FER: variants seen among roughly 807,000 people sequenced by gnomAD.
FER encodes tyrosine-protein kinase Fer.
Under a neutral mutation model 111.0 loss-of-function variants are expected in FER, and 63 were observed. The ratio of observed to expected loss-of-function variants is 0.57; its 90% CI spans 0.46 to 0.70. The LOEUF is 0.70. FER is among the 30% of genes least tolerant of loss of function. The pLI is 0.00. For missense variants in FER, 914 were observed against 954.0 expected, an observed-to-expected ratio of 0.96 and a Z score of 0.55; for synonymous variants, 327 against 313.9, an observed-to-expected ratio of 1.04 and a Z score of -0.44.
rs1213740519 is a variant in FER at position 108,779,389 on chromosome 5, A to G, written c.-60+11151A>G. 5.3e-5 allele frequency among the ~76,000 whole-genome samples: 8 copies of G among 152,320 alleles called. No homozygotes were observed. The East Asian group carries it at 1.3e-3, about 26-fold the overall frequency. Reference sequence around the variant, plus strand: ...CTATAAATGAAATTGGGAAGAATTGACATTTTGACAATATTGACTCTTCTT... The same window carrying G: ...CTATAAATGAAATTGGGAAGAATTGGCATTTTGACAATATTGACTCTTCTT... On this transcript the variant is annotated intron_variant, in intron 2 of 19. Coordinates refer to ENST00000281092, the MANE Select transcript of FER (RefSeq NM_005246.4).
chr5:109,021,393 A>G (rs1767906639), intron 13 of FER, among the ~76,000 whole-genome samples: 1 of 152,054 alleles, frequency 6.6e-6, no homozygotes, highest in Non-Finnish European at 1.5e-5. Flanking sequence ...GCATAATATA[A>G]GGGTATACTT....
intron 16 of FER, among the ~76,000 whole-genome samples, chr5:109,090,296 C>G (rs942029403): frequency 9.2e-5 from 14 of 152,100 alleles, no homozygotes; most frequent in African/African-American, 3.4e-4. Context: ...CAAGTCACAT[C>G]CCCCCAAAAA....
At chr5:108,833,043 C>A (rs991970221) in intron 4 of FER, 100 bp downstream of exon 4, 4 of 1,039,600 alleles carry the variant, frequency 3.8e-6, no homozygotes, top group African/African-American at 1.6e-5. Context: ...TTCATCATTT[C>A]CCAACAAGAA....
intron 16 of FER, among the ~76,000 whole-genome samples, chr5:109,062,982 G>C (rs1394458490): frequency 2.0e-5 from 3 of 152,138 alleles, no homozygotes; most frequent in African/African-American, 7.2e-5. Flanking sequence ...TTAAGACATT[G>C]TCAGAATTTA....
At chr5:108,822,633 C>CA (rs1758972200) in intron 3 of FER, among the ~76,000 whole-genome samples, 1 of 152,152 alleles carries the variant, frequency 6.6e-6, no homozygotes, top group African/African-American at 2.4e-5. Context: ...CACATAGTAG[C>CA]AGCCCTCATG....
At chr5:108,764,547 G>A (rs933281399) in intron 1 of FER, among the ~76,000 whole-genome samples, 2 of 151,880 alleles carry the variant, frequency 1.3e-5, no homozygotes, top group African/African-American at 2.4e-5. Context: ...ACAGGCATGC[G>A]CCACCATGCC....
intron 16 of FER, among the ~76,000 whole-genome samples, chr5:109,049,145 T>C (rs1772397943): frequency 6.6e-6 from 1 of 152,242 alleles, no homozygotes; most frequent in African/African-American, 2.4e-5. Flanking sequence ...TGTAAATGTA[T>C]TAGCTTTTGA....
intron 17 of FER, among the ~76,000 whole-genome samples, chr5:109,117,909 G>C (rs7729990): frequency 0.41 from 61,698 of 151,244 alleles, 13,274 homozygotes; most frequent in African/African-American, 0.54. Context: ...AGATTTTGGG[G>C]TGAGACGATG....
intron 13 of FER, among the ~76,000 whole-genome samples, chr5:109,031,678 A>G (rs958244041): frequency 6.6e-6 from 1 of 152,164 alleles, no homozygotes; most frequent in Non-Finnish European, 1.5e-5. Flanking sequence ...TATTCACTCT[A>G]TCTAGAAGAT....
rs1758236393 is a variant in FER, at chr5:108,954,901, A to T, written c.1502A>T (p.Gln501Leu). 6.2e-7 allele frequency: 1 copy of T among 1,610,310 alleles called. No individual in the cohort carries two copies. Among genetic ancestry groups the T allele is most frequent in the African/African-American group, 1.3e-5 (1 of 74,888 alleles). The change falls in exon 12 of 20, where the codon CAG becomes CTG. Residue 501 changes from glutamine to leucine, a missense_variant. Coordinates refer to ENST00000281092, the MANE Select transcript of FER (RefSeq NM_005246.4). Reference protein sequence around the residue: ...EYVLSVYSDGQRRHFIIQYVD... With the variant: ...EYVLSVYSDGLRRHFIIQYVD... The stretch of plus-strand genomic sequence containing the variant: ...GTCCTTTCTGTATATTCTGATGGAC[A>T]GAGGAGACATTTTATCATACAATAT...
chr5:109,076,510 A>T (rs930751459), intron 16 of FER, among the ~76,000 whole-genome samples: 1 of 151,768 alleles, frequency 6.6e-6, no homozygotes, highest in African/African-American at 2.4e-5. Context: ...GCACACTGCA[A>T]CCTCTCCCTC....
chr5:108,993,098 G>A (rs1280745716), intron 13 of FER, among the ~76,000 whole-genome samples: 7 of 151,990 alleles, frequency 4.6e-5, no homozygotes, highest in African/African-American at 1.2e-4. Flanking sequence ...CAGACGATGG[G>A]CGGCCAAGCA....
Position 109,193,246 on chromosome 5 carries a change from C to T in FER, c.*5671C>T, listed in dbSNP as rs1265475419. 3 of 152,124 alleles carry T rather than the reference C, an allele frequency of 2.0e-5. No homozygotes were observed. Among genetic ancestry groups the T allele is most frequent in the Admixed American group, 6.5e-5 (1 of 15,270 alleles). The allele number at this position is 152,124 out of a possible 1,614,324, so 9.4% of individuals were successfully genotyped here. A position where few individuals can be genotyped will look rare whatever the true frequency, so the allele number is the denominator to read the frequency against. ...TTTATCTGTGAGGCCTCAGACACAA[C>T]GGTGGTTCAGCCCTCTCCCTAAGCA... On this transcript the variant is annotated 3_prime_UTR_variant, in exon 20 of 20. Transcript: ENST00000281092.
At chr5:108,836,500 T>A (rs573838338) in intron 5 of FER, among the ~76,000 whole-genome samples, 26 of 152,272 alleles carry the variant, frequency 1.7e-4, no homozygotes, top group African/African-American at 5.5e-4. Flanking sequence ...TATTTATACA[T>A]TTTTTCTTTA....
chr5:109,030,645 G>C (rs181416861), intron 13 of FER, among the ~76,000 whole-genome samples: 8 of 152,156 alleles, frequency 5.3e-5, no homozygotes, highest in Non-Finnish European at 8.8e-5. Context: ...GGGCTGCCAG[G>C]TGTTTCACTG....
chr5:109,119,113 T>C (rs1267928500), intron 17 of FER, among the ~76,000 whole-genome samples: 1 of 152,174 alleles, frequency 6.6e-6, no homozygotes, highest in Non-Finnish European at 1.5e-5. Flanking sequence ...GGTGTCAATT[T>C]TAGATCTTTC....
At chr5:108,805,272 G>T (rs2150062939) in intron 3 of FER, among the ~76,000 whole-genome samples, 1 of 152,288 alleles carries the variant, frequency 6.6e-6, no homozygotes, top group East Asian at 1.9e-4. Context: ...GACGTGATTT[G>T]CTCCTCCTTG....
rs1759422066 is a variant in FER at position 109,192,060 on chromosome 5, G to A, written c.*4485G>A. 6.6e-6 allele frequency: 1 copy of A among 152,118 alleles called. No homozygotes were observed. The allele number at this position is 152,118 out of a possible 1,614,324, so 9.4% of individuals were successfully genotyped here. A position where few individuals can be genotyped will look rare whatever the true frequency, so the allele number is the denominator to read the frequency against. Reference sequence around the variant, plus strand: ...AGAAATTAAATTCTGAACTTTTAGTGTAGGCATTAGGAATCACTTAGCCAC... The same window carrying A: ...AGAAATTAAATTCTGAACTTTTAGTATAGGCATTAGGAATCACTTAGCCAC... On this transcript the variant is annotated 3_prime_UTR_variant, in exon 20 of 20. Transcript: ENST00000281092.
intron 11 of FER, among the ~76,000 whole-genome samples, chr5:108,949,490 T>C (rs1757440565): frequency 6.6e-6 from 1 of 152,156 alleles, no homozygotes; most frequent in South Asian, 2.1e-4. Context: ...AATTAAGTTT[T>C]GAATCACTTG....
Sources: gnomAD v4.1 joint callset for allele counts (sites outside exome capture counted in the v4.1 genomes callset) on GRCh38, gnomAD v4.1.1 for gene constraint, MANE v1.5 for transcripts, NCBI Gene and HGNC (gene_info 2026-07-23, HGNC 2026-07-21) for gene names.